Variants in TRA2B observed in about 807,000 individuals in gnomAD.
TRA2B encodes transformer 2 beta homolog, also known as transformer-2 protein homolog beta.
A neutral mutation model predicts 41.7 loss-of-function variants in TRA2B; 14 were observed. That is an observed-to-expected ratio of 0.34 (90% CI 0.22 to 0.53). The LOEUF is 0.53. Ranked by LOEUF, TRA2B falls within the 20% of genes least tolerant of loss-of-function variation. TRA2B has a pLI of 0.95. For missense variants in TRA2B, 167 were observed against 396.8 expected, an observed-to-expected ratio of 0.42 and a Z score of 4.92; for synonymous variants, 130 against 128.8, an observed-to-expected ratio of 1.01 and a Z score of -0.06.
intron 4 of TRA2B, chr3:185,922,906 C>T (rs1399063600): frequency 6.6e-6 from 1 of 152,176 alleles, no homozygotes; most frequent in East Asian, 1.9e-4. Context: ...TGTTTACGCC[C>T]AGGCAGTTTC....
At chr3:185,934,508 T>C (rs1744273352) in intron 1 of TRA2B, 1 of 985,322 alleles carries the variant, frequency 1.0e-6, no homozygotes, top group Non-Finnish European at 1.2e-6. Context: ...AAAGCATTCT[T>C]GTTTAAAACC....
chr3:185,917,862 A>C, intron 8 of TRA2B, 137 bp from the exon 9 acceptor site: 1 of 777,342 alleles, frequency 1.3e-6, no homozygotes, highest in Non-Finnish European at 2.1e-6. Flanking sequence ...AAATAGAGAA[A>C]GACTTCCATG....
intron 1 of TRA2B, among the ~76,000 whole-genome samples, chr3:185,934,081 G>T (rs4267672): frequency 0.05 from 7,622 of 152,084 alleles, 590 homozygotes; most frequent in African/African-American, 0.17. Context: ...TTAAAAACAA[G>T]ACTAAGTGAT....
chr3:185,929,737 GGTTT>G (rs1321087298), intron 1 of TRA2B, among the ~76,000 whole-genome samples: 8 of 152,110 alleles, frequency 5.3e-5, no homozygotes, highest in African/African-American at 1.4e-4. Context: ...AACTGAATGT[GGTTT>G]GTTAGATTTA....
chr3:185,923,551 C>T (rs192707251), intron 4 of TRA2B: 20 of 326,408 alleles, frequency 6.1e-5, no homozygotes, highest in Admixed American at 1.9e-4. Flanking sequence ...GACTACATAT[C>T]CTGGCGGAAT....
At chr3:185,923,328 T>TA (rs960736726) in intron 4 of TRA2B, 1 of 152,510 alleles carries the variant, frequency 6.6e-6, no homozygotes, top group Non-Finnish European at 1.5e-5. Context: ...GAGATGACTT[T>TA]AGCTACCATC....
intron 1 of TRA2B, among the ~76,000 whole-genome samples, chr3:185,932,463 G>C (rs913833442): frequency 6.6e-6 from 1 of 152,144 alleles, no homozygotes; most frequent in African/African-American, 2.4e-5. Flanking sequence ...AGATTTTATA[G>C]TATGAATCAT....
intron 1 of TRA2B, among the ~76,000 whole-genome samples, chr3:185,932,386 C>T (rs554381481): frequency 6.6e-6 from 1 of 152,116 alleles, no homozygotes; most frequent in Non-Finnish European, 1.5e-5. Context: ...TGCAGAAAGA[C>T]GGTGTCAGGG....
intron 1 of TRA2B, 123 bp from the exon 2 acceptor site, chr3:185,926,857 A>C: frequency 8.1e-7 from 1 of 1,228,104 alleles, no homozygotes; most frequent in African/African-American, 1.5e-5. Context: ...AATATAGGTA[A>C]GGGCAGGAAC....
Position 185,935,713 on chromosome 3 carries a change from T to C in TRA2B, c.36+2112A>G, listed in dbSNP as rs965252837. On this transcript the variant is annotated intron_variant, in intron 1 of 8. Transcript: ENST00000453386. ...GCATGTCTAAGATCAAGCTGTTCCA[T>C]TGAGCTTTATGGTTTTCCCAAGCTT... 29 of 985,352 alleles carry C rather than the reference T, an allele frequency of 2.9e-5. No homozygotes were observed. In the East Asian group the frequency reaches 1.0e-3, roughly 35 times the overall value. The allele number at this position is 985,352 out of a possible 1,614,324, so 61.0% of individuals were successfully genotyped here. A position where few individuals can be genotyped will look rare whatever the true frequency, so the allele number is the denominator to read the frequency against.
chr3:185,926,858 G>A (rs1409023465), intron 1 of TRA2B, 124 bp from the exon 2 acceptor site: 3 of 1,190,080 alleles, frequency 2.5e-6, no homozygotes, highest in East Asian at 2.6e-5. Flanking sequence ...ATATAGGTAA[G>A]GGCAGGAACT....
At chr3:185,929,954 A>C (rs1744087899) in intron 1 of TRA2B, among the ~76,000 whole-genome samples, 2 of 152,026 alleles carry the variant, frequency 1.3e-5, no homozygotes, top group Non-Finnish European at 1.5e-5. Context: ...TGATTAAGGC[A>C]GTCTTTCACA....
intron 1 of TRA2B, chr3:185,928,651 A>G (rs1484469716): frequency 6.6e-6 from 1 of 152,232 alleles, no homozygotes; most frequent in Non-Finnish European, 1.5e-5. Flanking sequence ...GGGGAACCCA[A>G]AAGTTGCTAA....
At chr3:185,932,675 CCT>C (rs953503369) in intron 1 of TRA2B, among the ~76,000 whole-genome samples, 2 of 152,258 alleles carry the variant, frequency 1.3e-5, no homozygotes, top group African/African-American at 4.8e-5. Context: ...CAGCTCACCT[CCT>C]CAAATAATTA....
intron 1 of TRA2B, among the ~76,000 whole-genome samples, chr3:185,933,739 A>T (rs952180161): frequency 2.6e-5 from 4 of 152,292 alleles, no homozygotes; most frequent in Admixed American, 1.3e-4. Flanking sequence ...CTGGAAAAAA[A>T]CATCATCTGA....
At chr3:185,935,615 G>A in intron 1 of TRA2B, 1 of 985,420 alleles carries the variant, frequency 1.0e-6, no homozygotes, top group Non-Finnish European at 1.2e-6. Flanking sequence ...TTTACATTAA[G>A]ACCCAGTTCA....
At chr3:185,934,413 A>C (rs1744268996) in intron 1 of TRA2B, 2 of 985,316 alleles carry the variant, frequency 2.0e-6, no homozygotes, top group African/African-American at 3.5e-5. Flanking sequence ...CTTTTGGCAA[A>C]ACCAGTAGTA....
At chr3:185,922,713 T>C (rs1056994397) in intron 4 of TRA2B, 1 of 152,222 alleles carries the variant, frequency 6.6e-6, no homozygotes, top group Non-Finnish European at 1.5e-5. Context: ...AGCACAGCCT[T>C]AAGTACATAT....
chr3:185,937,142 A>G (rs2150120864), intron 1 of TRA2B: 2 of 985,548 alleles, frequency 2.0e-6, no homozygotes, highest in South Asian at 9.4e-5. Flanking sequence ...TTTCGGCATC[A>G]GAGAAAAGCG....
Sources: allele counts gnomAD v4.1 joint callset (sites outside exome capture counted in the v4.1 genomes callset), GRCh38; gene constraint gnomAD v4.1.1; transcripts MANE v1.5; gene names NCBI Gene and HGNC (gene_info 2026-07-23, HGNC 2026-07-21).